The following GRIP1 variants were observed in gnomAD, a reference collection of about 807,000 sequenced individuals.
The protein encoded by GRIP1 is glutamate receptor-interacting protein 1.
A neutral mutation model predicts 129.9 loss-of-function variants in GRIP1; 45 were observed. The observed-to-expected ratio is 0.35, with a 90% CI of 0.27 to 0.44. The LOEUF (loss-of-function observed/expected upper bound fraction) is 0.44, where lower values mean the gene tolerates loss of function less well. Ranked by LOEUF, GRIP1 falls within the 20% of genes least tolerant of loss-of-function variation. GRIP1 has a pLI of 1.00. For synonymous variants in GRIP1, 530 were observed against 520.8 expected (o/e 1.02, Z -0.24); for missense variants, 1,196 against 1,396.8 (o/e 0.86, Z 2.29).
chr12:66,852,469 AT>A (rs1290335130), intron 1 of GRIP1, among the ~76,000 whole-genome samples: 1 of 151,692 alleles, frequency 6.6e-6, no homozygotes, highest in Non-Finnish European at 1.5e-5. Context: ...AAATAAAAAA[AT>A]GATTAGACAC....
chr12:66,906,006 A>T (rs1196440012), intron 1 of GRIP1, among the ~76,000 whole-genome samples: 1 of 152,214 alleles, frequency 6.6e-6, no homozygotes, highest in African/African-American at 2.4e-5. Context: ...AAAAAAAAGG[A>T]TGTATTAAAT....
chr12:66,620,401 T>C (rs2065215727), intron 1 of GRIP1, among the ~76,000 whole-genome samples: 1 of 152,122 alleles, frequency 6.6e-6, no homozygotes, highest in Non-Finnish European at 1.5e-5. Flanking sequence ...AAGGACAATA[T>C]AATTTTCAGC....
At chr12:66,834,975 G>A (rs1377461504) in intron 1 of GRIP1, among the ~76,000 whole-genome samples, 1 of 150,120 alleles carries the variant, frequency 6.7e-6, no homozygotes, top group East Asian at 2.0e-4. Context: ...GAATTGATAA[G>A]CTACACTTTA....
chr12:66,994,067 G>A (rs2042432374), intron 1 of GRIP1, among the ~76,000 whole-genome samples: 1 of 151,910 alleles, frequency 6.6e-6, no homozygotes, highest in South Asian at 2.1e-4. Flanking sequence ...TCATCAGTGA[G>A]TACCAAACAT....
At chr12:67,046,887 T>C (rs1049026112) in intron 1 of GRIP1, among the ~76,000 whole-genome samples, 36 of 152,318 alleles carry the variant, frequency 2.4e-4, no homozygotes, top group African/African-American at 8.4e-4. Context: ...ACTATTATCC[T>C]ACGTAGCCAT....
intron 1 of GRIP1, among the ~76,000 whole-genome samples, chr12:66,899,491 T>A (rs1592938923): frequency 6.6e-6 from 1 of 151,636 alleles, no homozygotes; most frequent in Non-Finnish European, 1.5e-5. Context: ...GCCTCCTGAG[T>A]AGCTAGGATT....
At position 66,678,942 on chromosome 12, in the gene GRIP1, G is replaced by A; in HGVS notation, c.-38C>T. On this transcript the variant is annotated 5_prime_UTR_variant, in exon 1 of 25. Coordinates refer to ENST00000359742, the MANE Select transcript of GRIP1 (RefSeq NM_001366722.1). ...CTTTCTGTGGCAAAGTGTACTCAAG[G>A]CTCTCTGCTCTGGTGGCTGCAGCAG... The A allele has an allele frequency of 6.2e-7, 1 of 1,612,672 alleles. No individual in the cohort carries two copies.
chr12:66,437,275 T>G (rs1363381855), intron 13 of GRIP1, among the ~76,000 whole-genome samples: 3 of 152,146 alleles, frequency 2.0e-5, no homozygotes, highest in Non-Finnish European at 4.4e-5. Flanking sequence ...CTAGAAAGGA[T>G]TTTTCTGAAT....
intron 1 of GRIP1, among the ~76,000 whole-genome samples, chr12:66,919,477 C>A (rs1467590406): frequency 6.6e-6 from 1 of 152,182 alleles, no homozygotes. Flanking sequence ...GGAAAAATTG[C>A]AAATTCTTTC....
chr12:66,891,442 T>C (rs2040656377), intron 1 of GRIP1, among the ~76,000 whole-genome samples: 1 of 152,082 alleles, frequency 6.6e-6, no homozygotes, highest in African/African-American at 2.4e-5. Context: ...CTGGCTGCAG[T>C]CAGGAAGTAA....
chr12:66,511,920 G>T (rs977016992), intron 7 of GRIP1, among the ~76,000 whole-genome samples: 11 of 152,122 alleles, frequency 7.2e-5, no homozygotes, highest in Admixed American at 2.0e-4. Context: ...AATCCCACAT[G>T]TTGCTGGAGG....
At chr12:66,577,308 A>C (rs1047745829) in intron 2 of GRIP1, among the ~76,000 whole-genome samples, 4 of 152,230 alleles carry the variant, frequency 2.6e-5, no homozygotes, top group South Asian at 2.1e-4. Context: ...ACAGAGATGT[A>C]AAAAAGCAGG....
intron 1 of GRIP1, among the ~76,000 whole-genome samples, chr12:66,897,053 G>A (rs763194994): frequency 7.9e-5 from 12 of 152,270 alleles, no homozygotes; most frequent in Non-Finnish European, 1.6e-4. Context: ...TGCCAGCTGC[G>A]TGCTCCTGGG....
At chr12:66,536,399 G>GA (rs1197966687) in intron 4 of GRIP1, among the ~76,000 whole-genome samples, 2 of 151,966 alleles carry the variant, frequency 1.3e-5, no homozygotes, top group Non-Finnish European at 2.9e-5. Context: ...TTACATTTCT[G>GA]ACCCCATTTC....
At chr12:66,994,197 G>GA (rs796904380) in intron 1 of GRIP1, among the ~76,000 whole-genome samples, 87 of 137,206 alleles carry the variant, frequency 6.3e-4, no homozygotes, top group East Asian at 1.3e-3. Flanking sequence ...AGACAAGTGG[G>GA]AAAAAAAAAA....
intron 1 of GRIP1, among the ~76,000 whole-genome samples, chr12:66,998,198 A>G (rs1415443702): frequency 3.3e-5 from 5 of 152,174 alleles, no homozygotes; most frequent in Non-Finnish European, 7.3e-5. Flanking sequence ...AGGGTTCAAA[A>G]GCCGCATGTG....
intron 1 of GRIP1, among the ~76,000 whole-genome samples, chr12:67,027,454 T>C (rs1365713967): frequency 6.6e-6 from 1 of 152,222 alleles, no homozygotes; most frequent in Admixed American, 6.5e-5. Context: ...TATTACTTAC[T>C]GAGTGTCTAA....
chr12:66,525,509 T>G (rs2139040161), intron 5 of GRIP1, among the ~76,000 whole-genome samples: 1 of 151,280 alleles, frequency 6.6e-6, no homozygotes, highest in South Asian at 2.1e-4. Context: ...CTCAATAAAT[T>G]AGGTATTGAT....
chr12:66,386,802 G>T (rs2056379334), intron 19 of GRIP1, among the ~76,000 whole-genome samples: 1 of 152,208 alleles, frequency 6.6e-6, no homozygotes, highest in Admixed American at 6.5e-5. Flanking sequence ...TGTGAAGGAT[G>T]AGAAAATCAA....
Sources: allele counts gnomAD v4.1 joint callset (sites outside exome capture counted in the v4.1 genomes callset), GRCh38; gene constraint gnomAD v4.1.1; transcripts MANE v1.5; gene names NCBI Gene and HGNC (gene_info 2026-07-23, HGNC 2026-07-21).